The following AOAH variants were observed in gnomAD, a reference collection of about 807,000 sequenced individuals.
AOAH encodes the protein acyloxyacyl hydrolase (neutrophil).
A neutral mutation model predicts 92.2 loss-of-function variants in AOAH; 64 were observed. The observed-to-expected ratio is 0.69, with a 90% CI of 0.57 to 0.86. The LOEUF (loss-of-function observed/expected upper bound fraction) is 0.86. Among genes scored for constraint, AOAH ranks in the 40% least tolerant of loss-of-function variants. AOAH has a pLI of 0.00. For synonymous variants in AOAH, 263 were observed against 254.5 expected, an observed-to-expected ratio of 1.03 and a Z score of -0.32; for missense variants, 656 against 694.6, an observed-to-expected ratio of 0.94 and a Z score of 0.62.
At chr7:36,634,928 C>T (rs1289060334) in intron 5 of AOAH, among the ~76,000 whole-genome samples, 1 of 152,164 alleles carries the variant, frequency 6.6e-6, no homozygotes, top group Non-Finnish European at 1.5e-5. Context: ...CTTTGCCATT[C>T]ATTGTGTAGA....
At chr7:36,704,390 G>C (rs1260192400) in intron 1 of AOAH, among the ~76,000 whole-genome samples, 1 of 152,104 alleles carries the variant, frequency 6.6e-6, no homozygotes, top group Non-Finnish European at 1.5e-5. Flanking sequence ...AGAAAATCTA[G>C]AAGAAATGGA....
intron 11 of AOAH, 155 bp from the exon 12 acceptor site, chr7:36,594,585 T>A: frequency 1.4e-6 from 1 of 712,718 alleles, no homozygotes; most frequent in Non-Finnish European, 2.5e-6. Flanking sequence ...CAGATGTCTC[T>A]AACCTTCAAC....
intron 13 of AOAH, among the ~76,000 whole-genome samples, chr7:36,557,010 A>T (rs1175710937): frequency 6.6e-6 from 1 of 151,774 alleles, no homozygotes; most frequent in Non-Finnish European, 1.5e-5. Flanking sequence ...GTTATGTGTG[A>T]ATTTGATCCT....
intron 1 of AOAH, among the ~76,000 whole-genome samples, chr7:36,717,002 AAATAAAT>A (rs1799236682): frequency 3.3e-5 from 5 of 151,498 alleles, no homozygotes; most frequent in Admixed American, 6.6e-5. Context: ...ATAAATAAAT[AAATAAAT>A]AAATAAATAA....
chr7:36,632,545 A>AG (rs1793197839), intron 5 of AOAH, among the ~76,000 whole-genome samples: 1 of 152,198 alleles, frequency 6.6e-6, no homozygotes, highest in Non-Finnish European at 1.5e-5. Flanking sequence ...CACAGAGGAG[A>AG]GAGGTGCACA....
chr7:36,549,937 G>A (rs1786083583), intron 13 of AOAH, among the ~76,000 whole-genome samples: 1 of 152,160 alleles, frequency 6.6e-6, no homozygotes, highest in Admixed American at 6.5e-5. Flanking sequence ...ACACTCCCAA[G>A]GCTCCCGCAG....
rs541008170 is a variant in AOAH, at chr7:36,548,841, A to G, written c.1059-155T>C. On this transcript the variant is annotated intron_variant, in intron 14 of 20. Transcript: ENST00000617537. The stretch of plus-strand genomic sequence containing the variant: ...TTTCATTCTAGTACAGCCAACCACC[A>G]TTCCCATCTCCCATTTATTCTCTAT... Among the ~76,000 whole-genome samples the G allele has an allele frequency of 1.2e-3, 179 of 152,284 alleles. 1 individual carries two copies. Among genetic ancestry groups the G allele is most frequent in the South Asian group, 3.5e-3 (17 of 4,820 alleles).
chr7:36,557,429 AT>A (rs1455329745), intron 13 of AOAH, among the ~76,000 whole-genome samples: 1 of 151,908 alleles, frequency 6.6e-6, no homozygotes, highest in Non-Finnish European at 1.5e-5. Flanking sequence ...TTTTTCCTTC[AT>A]TTCAACTTTG....
intron 1 of AOAH, among the ~76,000 whole-genome samples, chr7:36,717,165 A>G (rs944452539): frequency 1.3e-5 from 2 of 152,138 alleles, no homozygotes; most frequent in Admixed American, 6.5e-5. Context: ...CCACGTCCTC[A>G]GGTCTTCTGG....
chr7:36,701,638 T>C (rs959938273), intron 1 of AOAH, among the ~76,000 whole-genome samples: 1 of 151,862 alleles, frequency 6.6e-6, no homozygotes, highest in Admixed American at 6.6e-5. Flanking sequence ...GTTACTATTT[T>C]TATGATATAT....
intron 2 of AOAH, among the ~76,000 whole-genome samples, chr7:36,685,956 A>G (rs2116769643): frequency 6.6e-6 from 1 of 152,270 alleles, no homozygotes; most frequent in African/African-American, 2.4e-5. Flanking sequence ...TACAATTGCC[A>G]TTATTCCAAC....
At chr7:36,671,224 T>A (rs74429632) in intron 3 of AOAH, among the ~76,000 whole-genome samples, 3,225 of 152,244 alleles carry the variant, frequency 0.021, 107 homozygotes, top group African/African-American at 0.07. Context: ...ATACTTTTTT[T>A]AAAAAAATTT....
intron 2 of AOAH, among the ~76,000 whole-genome samples, chr7:36,683,468 G>A (rs1200960164): frequency 6.6e-6 from 1 of 152,120 alleles, no homozygotes; most frequent in African/African-American, 2.4e-5. Context: ...GATTCAAAAG[G>A]GTGGAGAAAT....
At chr7:36,538,008 CTTTTTTT>C (rs200856759) in intron 16 of AOAH, among the ~76,000 whole-genome samples, 2 of 127,902 alleles carry the variant, frequency 1.6e-5, no homozygotes, top group African/African-American at 5.8e-5. Context: ...TTCGTACATT[CTTTTTTT>C]TTTTTTTTTT....
At chr7:36,623,916 A>T (rs1640691515) in intron 6 of AOAH, among the ~76,000 whole-genome samples, 1 of 152,364 alleles carries the variant, frequency 6.6e-6, no homozygotes, top group Non-Finnish European at 1.5e-5. Flanking sequence ...TCATATGGCA[A>T]TGAGGCAGGA....
chr7:36,713,678 T>A (rs1206152518), intron 1 of AOAH, among the ~76,000 whole-genome samples: 2 of 152,144 alleles, frequency 1.3e-5, no homozygotes, highest in Admixed American at 1.3e-4. Flanking sequence ...AGAAACTCAC[T>A]CAAAACTGCT....
At position 36,514,344 on chromosome 7, in the gene AOAH, C is replaced by T. The variant is rs1008955507; in HGVS notation, c.1600-964G>A. ...GCCTGGGAGTGGAGGCTGGCTGGGT[C>T]CCTGACTGGGTGGGGGGTGGGATCC... On this transcript the variant is annotated intron_variant, in intron 20 of 20. Transcript: ENST00000617537. 8.8e-6 allele frequency: 6 copies of T among 680,178 alleles called. No individual in the cohort carries two copies. The African/African-American group carries it at 1.2e-4, about 13-fold the overall frequency. 42.1% of individuals were successfully genotyped at this position (680,178 alleles called of 1,614,324 possible).
rs200794971 is a variant in AOAH, at chr7:36,723,990, C to T, written c.127+32G>A. The T allele has an allele frequency of 1.4e-5, 23 of 1,605,324 alleles. No individual in the cohort carries two copies. In the African/African-American group the frequency reaches 2.8e-4, roughly 20 times the overall value. ...GTACTGGATCCCATTGTTATGTCTA[C>T]ATAGAAAATACAAAAATATTTATTT... On this transcript the variant is annotated intron_variant, in intron 1 of 20. Coordinates refer to ENST00000617537, the MANE Select transcript of AOAH (RefSeq NM_001637.4).
intron 2 of AOAH, among the ~76,000 whole-genome samples, chr7:36,678,854 CA>C (rs1278252539): frequency 6.6e-6 from 1 of 152,076 alleles, no homozygotes; most frequent in Non-Finnish European, 1.5e-5. Flanking sequence ...CCCAGTCAGC[CA>C]TGATCAGATG....
Sources: gnomAD v4.1 joint callset for allele counts (sites outside exome capture counted in the v4.1 genomes callset) on GRCh38, gnomAD v4.1.1 for gene constraint, MANE v1.5 for transcripts, NCBI Gene and HGNC (gene_info 2026-07-23, HGNC 2026-07-21) for gene names.